Variants in PARD3B observed in about 807,000 individuals in gnomAD.
The protein encoded by PARD3B is par-3 family cell polarity regulator beta, also known as partitioning defective 3 homolog B.
Under a neutral mutation model 130.2 loss-of-function variants are expected in PARD3B, and 103 were observed. That is an observed-to-expected ratio of 0.79 (90% CI 0.67 to 0.93). The LOEUF (loss-of-function observed/expected upper bound fraction) is 0.93, where lower values mean the gene tolerates loss of function less well. Among genes scored for constraint, PARD3B ranks in the 40% least tolerant of loss-of-function variants. PARD3B has a pLI of 0.00. For synonymous variants in PARD3B, 583 were observed against 553.2 expected (o/e 1.05, Z -0.76); for missense variants, 1,609 against 1,499.2 (o/e 1.07, Z -1.21).
At chr2:205,313,579 C>T (rs980663675) in intron 18 of PARD3B, among the ~76,000 whole-genome samples, 1 of 152,156 alleles carries the variant, frequency 6.6e-6, no homozygotes, top group Non-Finnish European at 1.5e-5. Context: ...ATACTTATCA[C>T]AATAAAAAAT....
intron 2 of PARD3B, among the ~76,000 whole-genome samples, chr2:204,692,559 A>G (rs537028397): frequency 3.0e-4 from 45 of 152,014 alleles, no homozygotes; most frequent in African/African-American, 1.1e-3. Context: ...TTTATCAGTA[A>G]GATTTCCATC....
chr2:205,028,748 G>A (rs1575587754), intron 3 of PARD3B, among the ~76,000 whole-genome samples: 1 of 152,248 alleles, frequency 6.6e-6, no homozygotes, highest in South Asian at 2.1e-4. Context: ...GTTTGCAGAT[G>A]TCATGATCTT....
chr2:204,778,146 CAAA>C (rs35683519), intron 2 of PARD3B, among the ~76,000 whole-genome samples: 75 of 109,282 alleles, frequency 6.9e-4, no homozygotes, highest in African/African-American at 1.7e-3. Flanking sequence ...CACCCTCTAT[CAAA>C]AAAAAAAAAA....
intron 2 of PARD3B, among the ~76,000 whole-genome samples, chr2:204,857,386 G>A: frequency 6.6e-6 from 1 of 152,146 alleles, no homozygotes; most frequent in African/African-American, 2.4e-5. Flanking sequence ...GGAAGAGAAT[G>A]TAGGGGAAGG....
rs1405676127 is a variant in PARD3B, at chr2:205,113,436, C to T, written c.594-55C>T. 13 of 1,200,278 alleles carry T rather than the reference C, an allele frequency of 1.1e-5. No homozygotes were observed. In the Middle Eastern group the frequency reaches 1.6e-3, roughly 146 times the overall value. 74.4% of individuals were successfully genotyped at this position (1,200,278 alleles called of 1,614,324 possible). On this transcript the variant is annotated intron_variant, in intron 5 of 22. Coordinates refer to ENST00000406610, the MANE Select transcript of PARD3B (RefSeq NM_001302769.2). ...TGTGTGTGTGTGTATTTTAGATGTG[C>T]TCCCTCTGTTTTTTAGCAGACACTC... is the stretch of plus-strand genomic sequence containing the variant.
intron 1 of PARD3B, among the ~76,000 whole-genome samples, chr2:204,655,624 C>T (rs2035613658): frequency 6.6e-6 from 1 of 152,112 alleles, no homozygotes; most frequent in Non-Finnish European, 1.5e-5. Flanking sequence ...GAGATCATGA[C>T]CCAGGACATA....
Position 205,615,659 on chromosome 2 carries a change from T to A in PARD3B, c.3464T>A (p.Phe1155Tyr). ...PPPAPQHKGPFRQDVPPSPPQ... is the reference protein window; with the variant it reads ...PPPAPQHKGPYRQDVPPSPPQ... The stretch of plus-strand genomic sequence containing the variant: ...CCAGCTCCCCAGCACAAAGGACCCT[T>A]TCGACAAGACGTTCCGCCTTCCCCT... The change falls in exon 23 of 23, where the codon TTT (phenylalanine) becomes TAT (tyrosine). Residue 1155 changes from phenylalanine to tyrosine, a missense_variant. Coordinates refer to ENST00000406610, the MANE Select transcript of PARD3B (RefSeq NM_001302769.2). The A allele has an allele frequency of 6.2e-7, 1 of 1,613,928 alleles. No individual in the cohort carries two copies. The highest frequency in any genetic ancestry group is 1.1e-5 in the South Asian group (1 of 91,056).
intron 18 of PARD3B, among the ~76,000 whole-genome samples, chr2:205,358,920 T>G (rs1346489079): frequency 6.6e-6 from 1 of 152,222 alleles, no homozygotes; most frequent in Non-Finnish European, 1.5e-5. Context: ...TATCATTCTT[T>G]CCTCTGAACT....
chr2:204,968,324 C>G (rs181556266), intron 3 of PARD3B, among the ~76,000 whole-genome samples: 1 of 152,122 alleles, frequency 6.6e-6, no homozygotes, highest in Non-Finnish European at 1.5e-5. Flanking sequence ...TTTTATATTT[C>G]TTTTTCCAAC....
At chr2:205,239,485 A>T (rs75172191) in intron 15 of PARD3B, among the ~76,000 whole-genome samples, 10,088 of 152,310 alleles carry the variant, frequency 0.066, 483 homozygotes, top group Middle Eastern at 0.22. Flanking sequence ...TAAGAAAAAC[A>T]GTGTGTACTG....
chr2:204,883,405 T>TTATATATATATATATATAAAATA (rs1447380815), intron 2 of PARD3B, among the ~76,000 whole-genome samples: 5 of 101,316 alleles, frequency 4.9e-5, no homozygotes, highest in African/African-American at 1.8e-4. Flanking sequence ...TATATATATA[T>TTATATATATATATATATAAAATA]TATATATATA....
chr2:205,204,664 G>T (rs191519103), intron 15 of PARD3B, among the ~76,000 whole-genome samples: 1 of 151,862 alleles, frequency 6.6e-6, no homozygotes, highest in Non-Finnish European at 1.5e-5. Context: ...AGTTTTCTGC[G>T]TGTGGCTAGC....
intron 2 of PARD3B, among the ~76,000 whole-genome samples, chr2:204,803,376 GACAAAC>G (rs1442180051): frequency 4.0e-5 from 6 of 151,876 alleles, no homozygotes; most frequent in African/African-American, 1.5e-4. Flanking sequence ...TAAGTATAAA[GACAAAC>G]ACAAAGTATT....
intron 2 of PARD3B, among the ~76,000 whole-genome samples, chr2:204,862,179 G>C (rs2045235425): frequency 6.6e-6 from 1 of 152,126 alleles, no homozygotes; most frequent in South Asian, 2.1e-4. Flanking sequence ...CAGCGATACA[G>C]CTCTTTTTCC....
At chr2:204,688,578 TA>T (rs568862087) in intron 2 of PARD3B, among the ~76,000 whole-genome samples, 5,012 of 94,550 alleles carry the variant, frequency 0.053, 278 homozygotes, top group African/African-American at 0.16. Flanking sequence ...AGACTCCATC[TA>T]AAAAAAAAAA....
rs185756015 is a variant in PARD3B, at chr2:204,797,006, C to A, written c.222+110724C>A. Among the ~76,000 whole-genome samples the A allele has an allele frequency of 3.2e-3, 485 of 151,868 alleles. 3 individuals carry two copies. Among genetic ancestry groups the A allele is most frequent in the African/African-American group, 0.011 (457 of 41,384 alleles). On this transcript the variant is annotated intron_variant, in intron 2 of 22. Coordinates refer to ENST00000406610, the MANE Select transcript of PARD3B (RefSeq NM_001302769.2). ...CCTGGCCAATATGGTGAAACCTCGC[C>A]TCTACTAAAAATACAAAAATTAGCT...
At chr2:204,821,137 C>G (rs1335617524) in intron 2 of PARD3B, among the ~76,000 whole-genome samples, 1 of 152,136 alleles carries the variant, frequency 6.6e-6, no homozygotes, top group Non-Finnish European at 1.5e-5. Context: ...TGTTTTGGCT[C>G]TGTGTCCCAA....
At chr2:204,698,592 C>T (rs891390459) in intron 2 of PARD3B, among the ~76,000 whole-genome samples, 1 of 151,378 alleles carries the variant, frequency 6.6e-6, no homozygotes, top group African/African-American at 2.4e-5. Context: ...TTTAACACAT[C>T]TATTAAGATG....
chr2:205,059,357 T>C (rs13402017), intron 4 of PARD3B, among the ~76,000 whole-genome samples: 41,303 of 151,854 alleles, frequency 0.27, 5,990 homozygotes, highest in South Asian at 0.51. Context: ...ATGAGAGTTA[T>C]AATTTTTCAC....
Sources: allele counts gnomAD v4.1 joint callset (sites outside exome capture counted in the v4.1 genomes callset), GRCh38; gene constraint gnomAD v4.1.1; transcripts MANE v1.5; gene names NCBI Gene and HGNC (gene_info 2026-07-23, HGNC 2026-07-21).